The following PRKD1 variants were observed in gnomAD, a reference collection of about 807,000 sequenced individuals.
The protein encoded by PRKD1 is protein kinase D1, also known as serine/threonine-protein kinase D1.
Under a neutral mutation model 95.9 loss-of-function variants are expected in PRKD1, and 63 were observed. The ratio of observed to expected loss-of-function variants is 0.66; its 90% CI spans 0.54 to 0.81. The LOEUF is 0.81. Ranked by LOEUF, PRKD1 falls within the 30% of genes least tolerant of loss-of-function variation. PRKD1 has a pLI of 0.00. For missense variants in PRKD1, 1,048 were observed against 1,165.3 expected (o/e 0.90, Z 1.47); for synonymous variants, 425 against 423.1 (o/e 1.00, Z -0.05).
chr14:29,637,996 T>C (rs1354473157), intron 6 of PRKD1, among the ~76,000 whole-genome samples: 1 of 152,198 alleles, frequency 6.6e-6, no homozygotes, highest in Non-Finnish European at 1.5e-5. Context: ...AGATATGGCA[T>C]TTTTCTTAGC....
At chr14:29,925,510 G>C (rs148828463) in intron 1 of PRKD1, among the ~76,000 whole-genome samples, 247 of 152,040 alleles carry the variant, frequency 1.6e-3, no homozygotes, top group African/African-American at 5.7e-3. Context: ...CTCTGCTCTC[G>C]TCTCACTCTC....
intron 4 of PRKD1, among the ~76,000 whole-genome samples, chr14:29,650,897 G>A (rs1881452077): frequency 6.6e-6 from 1 of 152,202 alleles, no homozygotes; most frequent in South Asian, 2.1e-4. Context: ...AGTTTCTACA[G>A]AAAAGCAGTT....
intron 2 of PRKD1, among the ~76,000 whole-genome samples, chr14:29,701,770 GTGATCCTTCA>G (rs1432734428): frequency 6.6e-6 from 1 of 152,002 alleles, no homozygotes; most frequent in Non-Finnish European, 1.5e-5. Context: ...TGCTCAGTCG[GTGATCCTTCA>G]TGTTGGTAAC....
At chr14:29,579,731 G>A (rs1892690850) in intron 16 of PRKD1, among the ~76,000 whole-genome samples, 1 of 152,114 alleles carries the variant, frequency 6.6e-6, no homozygotes, top group Non-Finnish European at 1.5e-5. Context: ...TGCCCTGAAG[G>A]GCTGTAGAGT....
chr14:29,761,319 T>G (rs1887969731), intron 1 of PRKD1, among the ~76,000 whole-genome samples: 1 of 152,200 alleles, frequency 6.6e-6, no homozygotes, highest in Non-Finnish European at 1.5e-5. Context: ...ATGTTAAAAG[T>G]CCTGAGTTCA....
chr14:29,630,017 C>G (rs1879881598), intron 10 of PRKD1, among the ~76,000 whole-genome samples: 1 of 130,802 alleles, frequency 7.6e-6, no homozygotes, highest in African/African-American at 3.4e-5. Context: ...TCTCCTTCTT[C>G]TTCTGCTTCT....
chr14:29,860,974 C>A (rs1892689727), intron 1 of PRKD1, among the ~76,000 whole-genome samples: 1 of 152,160 alleles, frequency 6.6e-6, no homozygotes, highest in Non-Finnish European at 1.5e-5. Context: ...TCCACACTTA[C>A]TAAAAGAATA....
Position 29,675,984 on chromosome 14 carries a change from T to C in PRKD1, c.404-9776A>G, listed in dbSNP as rs1388241849. ...TCACACATCGGGGCCTGTCGTGGGG[T>C]GGGGGGTGGGGGGAGGGATAACATT... On this transcript the variant is annotated intron_variant, in intron 2 of 17. Coordinates refer to ENST00000331968, the MANE Select transcript of PRKD1 (RefSeq NM_002742.3). Among the ~76,000 whole-genome samples, 61 of 39,618 alleles carry C rather than the reference T, an allele frequency of 1.5e-3. 1 individual carries two copies. The highest frequency in any genetic ancestry group is 3.1e-4 in the Non-Finnish European group (7 of 22,382). The allele number at this position is 39,618 out of a possible 152,430, so 26.0% of individuals were successfully genotyped here.
At chr14:29,723,936 G>C (rs932008235) in intron 2 of PRKD1, among the ~76,000 whole-genome samples, 2 of 152,064 alleles carry the variant, frequency 1.3e-5, no homozygotes, top group African/African-American at 4.8e-5. Flanking sequence ...GAACATAAAG[G>C]GTGGACAGCA....
At chr14:29,651,158 C>G (rs552348503) in intron 4 of PRKD1, among the ~76,000 whole-genome samples, 2 of 152,258 alleles carry the variant, frequency 1.3e-5, no homozygotes, top group African/African-American at 4.8e-5. Context: ...AACTTAATTA[C>G]AAAAGAGAAA....
chr14:29,794,753 C>T (rs969424658), intron 1 of PRKD1, among the ~76,000 whole-genome samples: 1 of 151,880 alleles, frequency 6.6e-6, no homozygotes, highest in Non-Finnish European at 1.5e-5. Context: ...ACTAAGTCTT[C>T]GCTGCTGTAT....
chr14:29,795,530 T>C (rs1321939875), intron 1 of PRKD1, among the ~76,000 whole-genome samples: 1 of 152,098 alleles, frequency 6.6e-6, no homozygotes, highest in East Asian at 1.9e-4. Flanking sequence ...TCAATATGAG[T>C]AGTATTATTG....
At chr14:29,773,668 C>T (rs1207373676) in intron 1 of PRKD1, among the ~76,000 whole-genome samples, 1 of 152,000 alleles carries the variant, frequency 6.6e-6, no homozygotes, top group East Asian at 1.9e-4. Context: ...AATATTTCTA[C>T]AGAAAAGAAC....
chr14:29,868,240 T>A (rs1892978974), intron 1 of PRKD1, among the ~76,000 whole-genome samples: 1 of 152,164 alleles, frequency 6.6e-6, no homozygotes, highest in Non-Finnish European at 1.5e-5. Context: ...GCTGAAATTG[T>A]TAAGAGCTGG....
chr14:29,733,516 G>A (rs1886560785), intron 1 of PRKD1, among the ~76,000 whole-genome samples: 1 of 152,100 alleles, frequency 6.6e-6, no homozygotes, highest in South Asian at 2.1e-4. Flanking sequence ...AAAGAAAAGA[G>A]GTTTAATTGA....
chr14:29,839,300 C>T (rs1278196032), intron 1 of PRKD1, among the ~76,000 whole-genome samples: 1 of 152,192 alleles, frequency 6.6e-6, no homozygotes, highest in East Asian at 1.9e-4. Context: ...AAATTTTAAA[C>T]AACTGTGATC....
intron 1 of PRKD1, among the ~76,000 whole-genome samples, chr14:29,842,300 T>C (rs1404019303): frequency 6.6e-6 from 1 of 152,248 alleles, no homozygotes; most frequent in Non-Finnish European, 1.5e-5. Context: ...TCAAGTATTA[T>C]GTACTGCAAA....
intron 1 of PRKD1, among the ~76,000 whole-genome samples, chr14:29,815,834 A>G (rs1326388104): frequency 6.6e-6 from 1 of 152,188 alleles, no homozygotes; most frequent in African/African-American, 2.4e-5. Flanking sequence ...CCTCTTCTTG[A>G]CATATTAATA....
intron 1 of PRKD1, among the ~76,000 whole-genome samples, chr14:29,852,657 A>G (rs1300749947): frequency 1.3e-5 from 2 of 152,234 alleles, no homozygotes; most frequent in African/African-American, 4.8e-5. Flanking sequence ...GATTGGGAAC[A>G]AAGCTGTAAA....
Sources: allele counts gnomAD v4.1 joint callset (sites outside exome capture counted in the v4.1 genomes callset), GRCh38; gene constraint gnomAD v4.1.1; transcripts MANE v1.5; gene names NCBI Gene and HGNC (gene_info 2026-07-23, HGNC 2026-07-21).